PCDHGC3: variants seen among roughly 807,000 people sequenced by gnomAD.
The protein encoded by PCDHGC3 is protocadherin gamma subfamily C, 3.
Under a neutral mutation model 59.2 loss-of-function variants are expected in PCDHGC3, and 26 were observed. The ratio of observed to expected loss-of-function variants is 0.44; its 90% CI spans 0.32 to 0.61. The LOEUF (loss-of-function observed/expected upper bound fraction) is 0.61. Ranked by LOEUF, PCDHGC3 falls within the 20% of genes least tolerant of loss-of-function variation. PCDHGC3 has a pLI of 0.05. For missense variants in PCDHGC3, 1,080 were observed against 1,221.8 expected, an observed-to-expected ratio of 0.88 and a Z score of 1.73; for synonymous variants, 487 against 519.7, an observed-to-expected ratio of 0.94 and a Z score of 0.86.
intron 2 of PCDHGC3, 54 bp downstream of exon 2, chr5:141,494,919 T>A: frequency 6.2e-7 from 1 of 1,613,926 alleles, no homozygotes; most frequent in South Asian, 1.1e-5. Flanking sequence ...TTCTCAGGGA[T>A]GACGTGGGAG....
In PCDHGC3 at chr5:141,478,049, A is replaced by G; in HGVS notation, c.1933A>G (p.Thr645Ala). ...QDTDSPRQTL[T>A]VLIKDNGEPS... ...CACAGATTCACCCAGGCAGACTCTC[A>G]CGGTCTTGATCAAAGACAATGGGGA... Residue 645 changes from threonine to alanine, a missense_variant, in exon 1 of 4, where the codon ACG becomes GCG. Coordinates refer to ENST00000308177, the MANE Select transcript of PCDHGC3 (RefSeq NM_002588.4). 1.2e-6 allele frequency: 2 copies of G among 1,614,056 alleles called. No homozygotes were observed. The highest frequency in any genetic ancestry group is 3.3e-4 in the Middle Eastern group (2 of 6,062).
At chr5:141,502,001 C>T (rs2099812274) in intron 2 of PCDHGC3, among the ~76,000 whole-genome samples, 2 of 152,106 alleles carry the variant, frequency 1.3e-5, no homozygotes, top group Admixed American at 1.3e-4. Flanking sequence ...CCCTGACAAC[C>T]CGCATGCTCT....
intron 2 of PCDHGC3, among the ~76,000 whole-genome samples, chr5:141,501,092 C>A: frequency 6.6e-6 from 1 of 152,118 alleles, no homozygotes; most frequent in East Asian, 1.9e-4. Flanking sequence ...TGGTCTCAAT[C>A]TCTTGACCTC....
Position 141,491,034 on chromosome 5 carries a change from T to C in PCDHGC3, c.2431-3773T>C, listed in dbSNP as rs375902824. On this transcript the variant is annotated intron_variant, in intron 1 of 3. Coordinates refer to ENST00000308177, the MANE Select transcript of PCDHGC3 (RefSeq NM_002588.4). The surrounding 1 kb of genome is among the most constrained non-coding windows in gnomAD (Gnocchi z 6.9). The stretch of plus-strand genomic sequence containing the variant: ...CCAAGGTGACAGCCGTGGATGCTGA[T>C]GCAGGCCACAATGCGTGGCTCTCCT... 19 of 1,614,170 alleles carry C rather than the reference T, an allele frequency of 1.2e-5. No homozygotes were observed. Among genetic ancestry groups the C allele is most frequent in the East Asian group, 4.5e-5 (2 of 44,894 alleles).
At position 141,482,865 on chromosome 5, in the gene PCDHGC3, A is replaced by G. The variant is rs557581796; in HGVS notation, c.2430+4319A>G. ...GGTGGGCAGATCACTTGAGGTCAGG[A>G]GTTTGAAACCAGCCTGGCCAACATG... On this transcript the variant is annotated intron_variant, in intron 1 of 3. Coordinates refer to ENST00000308177, the MANE Select transcript of PCDHGC3 (RefSeq NM_002588.4). Among the ~76,000 whole-genome samples, 66 of 152,206 alleles carry G rather than the reference A, an allele frequency of 4.3e-4. 1 individual carries two copies. Among genetic ancestry groups the G allele is most frequent in the African/African-American group, 1.5e-3 (61 of 41,516 alleles).
In PCDHGC3 at chr5:141,489,514, C is replaced by T. The variant is rs141377711; in HGVS notation, c.2431-5293C>T. 63 of 1,613,926 alleles carry T rather than the reference C, an allele frequency of 3.9e-5. No homozygotes were observed. The highest frequency in any genetic ancestry group is 6.7e-5 in the Admixed American group (4 of 60,004). ...CCTGGCAGTGAATCAAAAGATTGAC[C>T]GAGAAAGCCTATGTGGAGCCAGCAC... On this transcript the variant is annotated intron_variant, in intron 1 of 3. Coordinates refer to ENST00000308177, the MANE Select transcript of PCDHGC3 (RefSeq NM_002588.4). This position sits in a 1 kb window ranked among gnomAD's most constrained non-coding sequence, Gnocchi z 4.5.
chr5:141,491,810 G>T lies in PCDHGC3; in HGVS notation c.2431-2997G>T. 1 of 1,486,878 alleles carries T rather than the reference G, an allele frequency of 6.7e-7. No individual in the cohort carries two copies. The allele number at this position is 1,486,878 out of a possible 1,614,324, so 92.1% of individuals were successfully genotyped here. A position where few individuals can be genotyped will look rare whatever the true frequency, so the allele number is the denominator to read the frequency against. ...CCACTCCTCTCCGGCCGGCTTGGTC[G>T]CTGGCTGCGCTCCACCCGATTCTCG... On this transcript the variant is annotated intron_variant, in intron 1 of 3. Coordinates refer to ENST00000308177, the MANE Select transcript of PCDHGC3 (RefSeq NM_002588.4). This position sits in a 1 kb window ranked among gnomAD's most constrained non-coding sequence, Gnocchi z 6.9.
In PCDHGC3 at chr5:141,477,772, C is replaced by G. The variant is rs760319541; in HGVS notation, c.1656C>G (p.Ser552Arg). The G allele has an allele frequency of 1.5e-5, 25 of 1,613,908 alleles. No homozygotes were observed. Among genetic ancestry groups the G allele is most frequent in the Non-Finnish European group, 2.1e-5 (25 of 1,180,042 alleles). The change falls in exon 1 of 4, where the codon AGC becomes AGG. Residue 552 changes from serine to arginine, a missense_variant. Physicochemically the swap from Ser to Arg is moderately radical, Grantham distance 110. Coordinates refer to ENST00000308177, the MANE Select transcript of PCDHGC3 (RefSeq NM_002588.4). This position sits in a 1 kb window ranked among gnomAD's most constrained non-coding sequence, Gnocchi z 4.9. Reference sequence around the variant, plus strand: ...CCCCGGTCCTAGCCACCAACATCAGCGTGAACATATTTGTCACTGATCGCA... The same window carrying G: ...CCCCGGTCCTAGCCACCAACATCAGGGTGAACATATTTGTCACTGATCGCA... ...GGTPVLATNI[S>R]VNIFVTDRND...
Position 141,511,030 on chromosome 5 carries a change from C to A in PCDHGC3, c.2662C>A (p.Gln888Lys). 9 of 1,614,224 alleles carry A rather than the reference C, an allele frequency of 5.6e-6. No individual in the cohort carries two copies. Among genetic ancestry groups the A allele is most frequent in the Non-Finnish European group, 7.6e-6 (9 of 1,180,032 alleles). Residue 888 changes from glutamine (Q) to lysine (K), a missense_variant, in exon 4 of 4, where the codon CAG (glutamine) becomes AAG (lysine). Transcript: ENST00000308177. ...SARYGPQFTLQHVPDYRQNVY... is the reference protein window; with the variant it reads ...SARYGPQFTLKHVPDYRQNVY... ...CCGCTACGGACCCCAGTTCACCCTGCAGCACGTGCCCGACTACCGCCAGAA... is the reference window on the plus strand; with the variant it reads ...CCGCTACGGACCCCAGTTCACCCTGAAGCACGTGCCCGACTACCGCCAGAA...
At position 141,510,984 on chromosome 5, in the gene PCDHGC3, C is replaced by T. The variant is rs375865663; in HGVS notation, c.2616C>T (p.Ala872=). The change falls in exon 4 of 4, where the codon GCC becomes GCT. Residue 872 remains alanine (A), a synonymous_variant. Coordinates refer to ENST00000308177, the MANE Select transcript of PCDHGC3 (RefSeq NM_002588.4). ...GGAGCTCCACCCTGGGAGGGGGTGC[C>T]GGCACCATGGGATTGAGCGCCCGCT... The part of the protein sequence containing the change: ...ADGSSTLGGG[A]GTMGLSARYG... 20 of 1,614,044 alleles carry T rather than the reference C, an allele frequency of 1.2e-5. No homozygotes were observed. The East Asian group carries it at 1.6e-4, about 13-fold the overall frequency.
Position 141,490,509 on chromosome 5 carries a change from G to A in PCDHGC3, c.2431-4298G>A. 6.2e-7 allele frequency: 1 copy of A among 1,614,072 alleles called. No individual in the cohort carries two copies. On this transcript the variant is annotated intron_variant, in intron 1 of 3. Transcript: ENST00000308177. The surrounding 1 kb of genome is among the most constrained non-coding windows in gnomAD (Gnocchi z 5.4). ...AGGCCACATCCCACTATATCATCGA[G>A]CTGCTGGCCAGCGATGCTGGTTCAC...
At position 141,476,902 on chromosome 5, in the gene PCDHGC3, C is replaced by T. The variant is rs1399250599; in HGVS notation, c.786C>T (p.Arg262=). ...TGGAGGATGCACCCTCCGGCACGCG[C>T]GTGGTACAAGTCCTTGCAACGGATC... ...RVLEDAPSGT[R]VVQVLATDLD... is the part of the protein sequence containing the mutation. The change falls in exon 1 of 4, where the codon CGC becomes CGT. Residue 262 remains arginine, a synonymous_variant. Transcript: ENST00000308177. This position sits in a 1 kb window ranked among gnomAD's most constrained non-coding sequence, Gnocchi z 7.6. 2 of 1,613,998 alleles carry T rather than the reference C, an allele frequency of 1.2e-6. No individual in the cohort carries two copies. The highest frequency in any genetic ancestry group is 1.7e-6 in the Non-Finnish European group (2 of 1,180,034).
chr5:141,493,289 C>A lies in PCDHGC3; in HGVS notation c.2431-1518C>A, dbSNP rs925045650. On this transcript the variant is annotated intron_variant, in intron 1 of 3. Coordinates refer to ENST00000308177, the MANE Select transcript of PCDHGC3 (RefSeq NM_002588.4). This position sits in a 1 kb window ranked among gnomAD's most constrained non-coding sequence, Gnocchi z 4.3. The stretch of plus-strand genomic sequence containing the variant: ...CTTCACAGAGGTCAAGTGACTTGCT[C>A]AAGTTCACAGAGCAAGTAAGAGAGA... 6.6e-6 allele frequency among the ~76,000 whole-genome samples: 1 copy of A among 152,176 alleles called. No individual in the cohort carries two copies. Among genetic ancestry groups the A allele is most frequent in the East Asian group, 1.9e-4 (1 of 5,194 alleles).
Position 141,491,048 on chromosome 5 carries a change from C to T in PCDHGC3, c.2431-3759C>T, listed in dbSNP as rs755163825. The T allele has an allele frequency of 7.4e-6, 12 of 1,613,948 alleles. No individual in the cohort carries two copies. Among genetic ancestry groups the T allele is most frequent in the South Asian group, 4.4e-5 (4 of 91,090 alleles). ...GTGGATGCTGATGCAGGCCACAATG[C>T]GTGGCTCTCCTACTCACTGTTGCCA... On this transcript the variant is annotated intron_variant, in intron 1 of 3. Coordinates refer to ENST00000308177, the MANE Select transcript of PCDHGC3 (RefSeq NM_002588.4). The surrounding 1 kb of genome is among the most constrained non-coding windows in gnomAD (Gnocchi z 6.9).
Position 141,493,775 on chromosome 5 carries a change from G to A in PCDHGC3, c.2431-1032G>A, listed in dbSNP as rs1434978072. ...CCTTGAGTGAGCCACTGGCAGTTCCGGAGCTTCCTTCTCCCTGGAGTAATC... is the reference window on the plus strand; with the variant it reads ...CCTTGAGTGAGCCACTGGCAGTTCCAGAGCTTCCTTCTCCCTGGAGTAATC... On this transcript the variant is annotated intron_variant, in intron 1 of 3. Coordinates refer to ENST00000308177, the MANE Select transcript of PCDHGC3 (RefSeq NM_002588.4). The surrounding 1 kb of genome is among the most constrained non-coding windows in gnomAD (Gnocchi z 4.3). Among the ~76,000 whole-genome samples, 1 of 152,094 alleles carries A rather than the reference G, an allele frequency of 6.6e-6. No individual in the cohort carries two copies. The highest frequency in any genetic ancestry group is 6.5e-5 in the Admixed American group (1 of 15,272).
intron 2 of PCDHGC3, among the ~76,000 whole-genome samples, chr5:141,497,706 A>G (rs2099778850): frequency 6.6e-6 from 1 of 151,956 alleles, no homozygotes; most frequent in Middle Eastern, 3.2e-3. Flanking sequence ...CACCCAGCTC[A>G]TTTTTGTATT....
chr5:141,509,699 C>T (rs779592471), intron 3 of PCDHGC3, among the ~76,000 whole-genome samples: 4 of 152,168 alleles, frequency 2.6e-5, no homozygotes, highest in Non-Finnish European at 5.9e-5. Flanking sequence ...GGACGTTGGA[C>T]TGGAGGTGCT....
rs765754054 is a variant in PCDHGC3 at position 141,503,598 on chromosome 5, CA to C, written c.2490-1779del. Among the ~76,000 whole-genome samples, 277 of 65,728 alleles carry C rather than the reference CA, an allele frequency of 4.2e-3. 2 individuals are homozygous for C. The highest frequency in any genetic ancestry group is 0.012 in the Middle Eastern group (1 of 86). The allele number at this position is 65,728 out of a possible 152,430, so 43.1% of individuals were successfully genotyped here. A position where few individuals can be genotyped will look rare whatever the true frequency, so the allele number is the denominator to read the frequency against. ...TGGGTGACAGAGCGAGACTCCAGCT[CA>C]AAAAAAAAAAAAAAAGAAAAAAGAA... On this transcript the variant is annotated intron_variant, in intron 2 of 3. Coordinates refer to ENST00000308177, the MANE Select transcript of PCDHGC3 (RefSeq NM_002588.4).
Position 141,485,955 on chromosome 5 carries a change from T to C in PCDHGC3, c.2430+7409T>C. 1 of 1,614,152 alleles carries C rather than the reference T, an allele frequency of 6.2e-7. No homozygotes were observed. Among genetic ancestry groups the C allele is most frequent in the Non-Finnish European group, 8.5e-7 (1 of 1,180,018 alleles). On this transcript the variant is annotated intron_variant, in intron 1 of 3. Transcript: ENST00000308177. This position sits in a 1 kb window ranked among gnomAD's most constrained non-coding sequence, Gnocchi z 5.7. ...GAGAGCGCACCAGCGGGCATGGTGC[T>C]CATCCAGCTCAATGCCTCAGACCCG...
Sources: gnomAD v4.1 joint callset for allele counts (sites outside exome capture counted in the v4.1 genomes callset) on GRCh38, gnomAD v4.1.1 for gene constraint, Gnocchi (gnomAD v3.1) non-coding constraint, MANE v1.5 for transcripts, NCBI Gene and HGNC (gene_info 2026-07-23, HGNC 2026-07-21) for gene names.